Variants in RBFOX1 observed in about 807,000 individuals in gnomAD.
The protein encoded by RBFOX1 is RNA binding fox-1 homolog 1.
In RBFOX1, 8 loss-of-function variants were observed where a neutral mutation model predicts 57.7. That is an observed-to-expected ratio of 0.14 (90% confidence interval 0.08 to 0.25). The LOEUF is 0.25. RBFOX1 is among the 10% of genes least tolerant of loss of function. The pLI is 1.00. For missense variants in RBFOX1, 611 were observed against 548.5 expected, an observed-to-expected ratio of 1.11 and a Z score of -1.14; for synonymous variants, 326 against 222.4, an observed-to-expected ratio of 1.47 and a Z score of -4.15.
intron 4 of RBFOX1, among the ~76,000 whole-genome samples, chr16:7,453,703 A>C (rs1207386966): frequency 6.6e-6 from 1 of 152,158 alleles, no homozygotes; most frequent in Non-Finnish European, 1.5e-5. Flanking sequence ...GCCTGAGTGT[A>C]AGACAGCATC....
intron 1 of RBFOX1, among the ~76,000 whole-genome samples, chr16:5,258,507 A>G (rs899684011): frequency 4.6e-5 from 7 of 152,194 alleles, no homozygotes; most frequent in African/African-American, 1.2e-4. Flanking sequence ...CTTGTCCTCA[A>G]AATGTAAATT....
chr16:6,352,324 A>G lies in RBFOX1; in HGVS notation c.-64+35267A>G, dbSNP rs2086558807. Among the ~76,000 whole-genome samples, 5 of 152,284 alleles carry G rather than the reference A, an allele frequency of 3.3e-5. No individual in the cohort carries two copies. The South Asian group carries it at 1.0e-3, about 32-fold the overall frequency. Reference sequence around the variant, plus strand: ...CTAGGACCATTGTACCTAAAGTAGTACTTGACCCATCATAGATAAACTATC... The same window carrying G: ...CTAGGACCATTGTACCTAAAGTAGTGCTTGACCCATCATAGATAAACTATC... On this transcript the variant is annotated intron_variant, in intron 2 of 15. Coordinates refer to ENST00000550418, the MANE Select transcript of RBFOX1 (RefSeq NM_018723.4).
At chr16:6,598,821 C>A (rs979772762) in intron 2 of RBFOX1, among the ~76,000 whole-genome samples, 4 of 151,700 alleles carry the variant, frequency 2.6e-5, no homozygotes, top group Non-Finnish European at 5.9e-5. Context: ...TGGCATGCAC[C>A]TGTAGTCCCA....
chr16:5,623,427 C>G lies in RBFOX1; in HGVS notation c.318+24466C>G, dbSNP rs548546200. Among the ~76,000 whole-genome samples, 6 of 152,306 alleles carry G rather than the reference C, an allele frequency of 3.9e-5. No homozygotes were observed. In the South Asian group the frequency reaches 8.3e-4, roughly 21 times the overall value. ...GAAAGTCTCTACTCTCAGCGAGTTT[C>G]TGTTCTAGTGGGAGAACACTCATAA... is the stretch of plus-strand genomic sequence containing the variant. On this transcript the variant is annotated intron_variant, in intron 3 of 19. Transcript: ENST00000641259.
intron 4 of RBFOX1, among the ~76,000 whole-genome samples, chr16:7,265,031 G>T (rs1429462768): frequency 6.6e-6 from 1 of 152,190 alleles, no homozygotes; most frequent in East Asian, 1.9e-4. Flanking sequence ...TTCAAAGCAG[G>T]CCAGTCCCAT....
chr16:7,043,615 C>G (rs941857756), intron 3 of RBFOX1, among the ~76,000 whole-genome samples: 2 of 152,214 alleles, frequency 1.3e-5, no homozygotes, highest in Admixed American at 1.3e-4. Context: ...TGCTGGTAAA[C>G]TTGTCCAGTG....
At chr16:7,690,793 C>A (rs1410738778) in intron 14 of RBFOX1, among the ~76,000 whole-genome samples, 5 of 152,058 alleles carry the variant, frequency 3.3e-5, no homozygotes, top group Admixed American at 6.6e-5. Context: ...TATGGGCCCT[C>A]TAAATCAATA....
intron 1 of RBFOX1, among the ~76,000 whole-genome samples, chr16:6,310,181 C>G (rs759943794): frequency 9.2e-5 from 14 of 152,180 alleles, no homozygotes; most frequent in Non-Finnish European, 1.6e-4. Flanking sequence ...CCACCACACC[C>G]AGCCGCTTAT....
At chr16:6,789,358 C>T (rs960811009) in intron 3 of RBFOX1, among the ~76,000 whole-genome samples, 7 of 151,960 alleles carry the variant, frequency 4.6e-5, no homozygotes, top group Admixed American at 6.6e-5. Context: ...GAGATGTATT[C>T]CAGAATGTTA....
chr16:5,330,013 G>C (rs1018707024), intron 1 of RBFOX1, among the ~76,000 whole-genome samples: 1 of 150,462 alleles, frequency 6.6e-6, no homozygotes, highest in Non-Finnish European at 1.5e-5. Context: ...AGACCGATGC[G>C]GTGTCTGATG....
chr16:6,880,218 C>G (rs541641058), intron 3 of RBFOX1, among the ~76,000 whole-genome samples: 1 of 134,036 alleles, frequency 7.5e-6, no homozygotes, highest in South Asian at 2.3e-4. Context: ...CAAAATTTTC[C>G]ACCGGGGGGT....
intron 3 of RBFOX1, among the ~76,000 whole-genome samples, chr16:6,695,955 C>A (rs1485245665): frequency 1.3e-5 from 2 of 152,112 alleles, no homozygotes; most frequent in Non-Finnish European, 2.9e-5. Flanking sequence ...AACCACATTG[C>A]AATAAGCTTT....
chr16:6,178,749 G>C (rs1436362962), intron 1 of RBFOX1, among the ~76,000 whole-genome samples: 1 of 152,050 alleles, frequency 6.6e-6, no homozygotes, highest in Non-Finnish European at 1.5e-5. Flanking sequence ...TGTCATGGCT[G>C]GATTAAAATA....
intron 4 of RBFOX1, among the ~76,000 whole-genome samples, chr16:7,185,798 C>G (rs936119238): frequency 6.6e-6 from 1 of 152,176 alleles, no homozygotes; most frequent in Non-Finnish European, 1.5e-5. Context: ...ATATGAAGAT[C>G]TGAGCATCAG....
intron 1 of RBFOX1, among the ~76,000 whole-genome samples, chr16:5,407,080 G>A (rs1364437000): frequency 1.3e-5 from 2 of 152,278 alleles, no homozygotes; most frequent in Admixed American, 1.3e-4. Context: ...GAGGCCTCAG[G>A]AAACTTAGCA....
At chr16:6,238,197 A>G (rs1186361655) in intron 1 of RBFOX1, among the ~76,000 whole-genome samples, 4 of 151,970 alleles carry the variant, frequency 2.6e-5, no homozygotes, top group East Asian at 1.9e-4. Context: ...AAATATTGCT[A>G]TTACAGTGAT....
chr16:6,453,626 C>T (rs1662949724), intron 2 of RBFOX1, among the ~76,000 whole-genome samples: 1 of 152,116 alleles, frequency 6.6e-6, no homozygotes, highest in Non-Finnish European at 1.5e-5. Context: ...GGTACTGTTC[C>T]TTCTGAAACT....
intron 1 of RBFOX1, among the ~76,000 whole-genome samples, chr16:5,387,589 T>C (rs1295558364): frequency 6.6e-6 from 1 of 152,204 alleles, no homozygotes; most frequent in Non-Finnish European, 1.5e-5. Flanking sequence ...TTATATTGCA[T>C]TGACTGAAAC....
chr16:6,262,113 G>C (rs367989225), intron 1 of RBFOX1, among the ~76,000 whole-genome samples: 35 of 152,210 alleles, frequency 2.3e-4, no homozygotes, highest in East Asian at 1.5e-3. Flanking sequence ...CAGAGGTGCA[G>C]AGACTCCTTG....
Sources: allele counts gnomAD v4.1 joint callset (sites outside exome capture counted in the v4.1 genomes callset), GRCh38; gene constraint gnomAD v4.1.1; transcripts MANE v1.5; gene names NCBI Gene and HGNC (gene_info 2026-07-23, HGNC 2026-07-21).